MAP4K3: variants seen among roughly 807,000 people sequenced by gnomAD.
MAP4K3 encodes the protein mitogen-activated protein kinase kinase kinase kinase 3, also known as MAPK/ERK kinase kinase kinase 3.
In MAP4K3, 94 loss-of-function variants were observed where a neutral mutation model predicts 143.5. The observed-to-expected ratio is 0.65, with a 90% CI of 0.55 to 0.78. The LOEUF (loss-of-function observed/expected upper bound fraction) is 0.78. Ranked by LOEUF, MAP4K3 falls within the 30% of genes least tolerant of loss-of-function variation. The pLI is 0.00. For synonymous variants in MAP4K3, 416 were observed against 347.2 expected (o/e 1.20, Z -2.20); for missense variants, 1,077 against 1,068.1 (o/e 1.01, Z -0.12).
intron 1 of MAP4K3, among the ~76,000 whole-genome samples, chr2:39,383,152 G>A (rs1178087276): frequency 1.3e-5 from 2 of 152,148 alleles, no homozygotes; most frequent in African/African-American, 4.8e-5. Context: ...GTATTAGTTT[G>A]TTCTCATGCT....
Position 39,308,007 on chromosome 2 carries a change from T to C in MAP4K3, c.1057-2A>G. 1 of 1,593,006 alleles carries C rather than the reference T, an allele frequency of 6.3e-7. No homozygotes were observed. Among genetic ancestry groups the C allele is most frequent in the Non-Finnish European group, 8.5e-7 (1 of 1,170,542 alleles). ...GTCCAAAAAACCATCACTGTCGGGC[T>C]GTTTAGCAGAGACCAAGAAACCCAA... On this transcript the variant is annotated splice_acceptor_variant, in intron 14 of 33. Coordinates refer to ENST00000263881, the MANE Select transcript of MAP4K3 (RefSeq NM_003618.4). LOFTEE classifies it high-confidence loss of function.
intron 2 of MAP4K3, among the ~76,000 whole-genome samples, chr2:39,365,116 A>G (rs1433125842): frequency 6.6e-6 from 1 of 152,166 alleles, no homozygotes; most frequent in African/African-American, 2.4e-5. Context: ...TTGGGATAAA[A>G]TACTTCTATT....
At chr2:39,326,730 G>A (rs1683502278) in intron 8 of MAP4K3, among the ~76,000 whole-genome samples, 1 of 152,116 alleles carries the variant, frequency 6.6e-6, no homozygotes, top group Non-Finnish European at 1.5e-5. Context: ...TGAGGGAGGG[G>A]CCTCGTAGGA....
chr2:39,325,206 G>A (rs1462352651), intron 12 of MAP4K3, among the ~76,000 whole-genome samples: 1 of 152,112 alleles, frequency 6.6e-6, no homozygotes, highest in African/African-American at 2.4e-5. Context: ...CCCTTTTACA[G>A]TGAATGATTA....
intron 1 of MAP4K3, 23 bp downstream of exon 1, chr2:39,436,869 C>A (rs113021812): frequency 6.3e-7 from 1 of 1,580,424 alleles, no homozygotes. Context: ...ACGGCCTCGG[C>A]GGCGCGCGGC....
chr2:39,270,438 A>C (rs1256056455), intron 26 of MAP4K3, among the ~76,000 whole-genome samples: 1 of 152,220 alleles, frequency 6.6e-6, no homozygotes, highest in Non-Finnish European at 1.5e-5. Context: ...GTACACTACA[A>C]GGCAGAGTTC....
At chr2:39,312,939 C>A (rs1312820083) in intron 13 of MAP4K3, among the ~76,000 whole-genome samples, 2 of 152,178 alleles carry the variant, frequency 1.3e-5, no homozygotes, top group Non-Finnish European at 2.9e-5. Flanking sequence ...GATTGTACAA[C>A]CCCTGAGTGC....
chr2:39,250,513 A>C lies in MAP4K3; in HGVS notation c.*105T>G, dbSNP rs1446352627. ...TCATGCCACAATAAATTACAAAGTA[A>C]CTGAAGACAGGTTACTGCAGCTTTT... On this transcript the variant is annotated 3_prime_UTR_variant, in exon 34 of 34. Transcript: ENST00000263881. 2.8e-6 allele frequency: 3 copies of C among 1,066,330 alleles called. No individual in the cohort carries two copies. Among genetic ancestry groups the C allele is most frequent in the Non-Finnish European group, 2.7e-6 (2 of 739,298 alleles). 66.1% of individuals were successfully genotyped at this position (1,066,330 alleles called of 1,614,324 possible). A position where few individuals can be genotyped will look rare whatever the true frequency, so the allele number is the denominator to read the frequency against.
chr2:39,410,057 T>G (rs1335589203), intron 1 of MAP4K3, among the ~76,000 whole-genome samples: 2 of 152,244 alleles, frequency 1.3e-5, no homozygotes, highest in Non-Finnish European at 2.9e-5. Context: ...ATTTGCTTTT[T>G]CAATATCCTT....
intron 12 of MAP4K3, among the ~76,000 whole-genome samples, chr2:39,316,413 TC>T (rs1683114018): frequency 6.6e-6 from 1 of 152,112 alleles, no homozygotes. Flanking sequence ...AGAAAGGCTA[TC>T]CAGGTATACA....
chr2:39,320,167 C>T (rs536890019), intron 12 of MAP4K3, among the ~76,000 whole-genome samples: 4 of 151,940 alleles, frequency 2.6e-5, no homozygotes, highest in Non-Finnish European at 5.9e-5. Flanking sequence ...GAATGTTCAT[C>T]GAGTTAAATA....
At chr2:39,361,974 A>T (rs77860850) in intron 2 of MAP4K3, among the ~76,000 whole-genome samples, 1,586 of 152,200 alleles carry the variant, frequency 0.01, 35 homozygotes, top group African/African-American at 0.035. Flanking sequence ...AAAACAAAAG[A>T]CACTTCCCTT....
chr2:39,345,710 G>A (rs917147139), intron 3 of MAP4K3, among the ~76,000 whole-genome samples: 1 of 151,948 alleles, frequency 6.6e-6, no homozygotes, highest in African/African-American at 2.4e-5. Flanking sequence ...ACGAGGTCAG[G>A]AGATCGAGAC....
intron 1 of MAP4K3, among the ~76,000 whole-genome samples, chr2:39,421,073 GAGGAT>G (rs995121435): frequency 1.4e-4 from 21 of 152,246 alleles, no homozygotes; most frequent in African/African-American, 5.1e-4. Flanking sequence ...ATATCAGACT[GAGGAT>G]TAACTGTCCA....
Position 39,316,114 on chromosome 2 carries a change from T to C in MAP4K3, c.919-726A>G, listed in dbSNP as rs563081395. Among the ~76,000 whole-genome samples, 9 of 152,214 alleles carry C rather than the reference T, an allele frequency of 5.9e-5. No individual in the cohort carries two copies. The East Asian group carries it at 1.7e-3, about 29-fold the overall frequency. ...GTTTCTCTTGGTTATAGATGTGCCA[T>C]TATAATTTCCATGAGTAGGAAACAT... On this transcript the variant is annotated intron_variant, in intron 12 of 33. Transcript: ENST00000263881.
At chr2:39,267,058 G>C (rs1680795830) in intron 27 of MAP4K3, 131 bp downstream of exon 27, 1 of 791,542 alleles carries the variant, frequency 1.3e-6, no homozygotes, top group Non-Finnish European at 2.1e-6. Flanking sequence ...AGATGAAACA[G>C]CCAAGAAATT....
intron 1 of MAP4K3, among the ~76,000 whole-genome samples, chr2:39,416,903 ACTACAAAAG>A (rs1428564985): frequency 6.6e-6 from 1 of 152,204 alleles, no homozygotes; most frequent in African/African-American, 2.4e-5. Context: ...TGGGAAAAAA[ACTACAAAAG>A]CTCTCTGGGC....
chr2:39,255,022 A>G (rs778347222), intron 31 of MAP4K3, among the ~76,000 whole-genome samples: 3 of 152,148 alleles, frequency 2.0e-5, no homozygotes, highest in Admixed American at 1.3e-4. Context: ...GGCATCCCCT[A>G]TGTACCCTGC....
At chr2:39,342,345 G>A (rs1422041498) in intron 4 of MAP4K3, among the ~76,000 whole-genome samples, 1 of 152,032 alleles carries the variant, frequency 6.6e-6, no homozygotes, top group Admixed American at 6.6e-5. Flanking sequence ...GGCCAGGCCA[G>A]TCTTGAACTC....
Sources: allele counts gnomAD v4.1 joint callset (sites outside exome capture counted in the v4.1 genomes callset), GRCh38; gene constraint gnomAD v4.1.1; transcripts MANE v1.5; gene names NCBI Gene and HGNC (gene_info 2026-07-23, HGNC 2026-07-21).